TROAP: variants seen among roughly 807,000 people sequenced by gnomAD.
TROAP encodes trophinin associated protein.
A neutral mutation model predicts 83.4 loss-of-function variants in TROAP; 62 were observed. That is an observed-to-expected ratio of 0.74 (90% CI 0.61 to 0.92). The LOEUF is 0.92. Ranked by LOEUF, TROAP falls within the 40% of genes least tolerant of loss-of-function variation. The probability of loss-of-function intolerance (pLI) is 0.00; values close to 1 mark genes in which losing one functional copy is unlikely to be tolerated. For missense variants in TROAP, 876 were observed against 985.1 expected, an observed-to-expected ratio of 0.89 and a Z score of 1.48; for synonymous variants, 352 against 386.4, an observed-to-expected ratio of 0.91 and a Z score of 1.04.
intron 6 of TROAP, 113 bp downstream of exon 6, chr12:49,326,271 C>A: frequency 9.5e-7 from 1 of 1,047,932 alleles, no homozygotes; most frequent in Admixed American, 1.9e-5. Context: ...TCCCCACCAA[C>A]TCAGGAGGGG....
chr12:49,329,026 C>T lies in TROAP; in HGVS notation c.991C>T (p.Arg331Cys), dbSNP rs778715800. 5.0e-5 allele frequency: 81 copies of T among 1,611,326 alleles called. No individual in the cohort carries two copies. Among genetic ancestry groups the T allele is most frequent in the Admixed American group, 2.7e-4 (16 of 59,844 alleles). The change falls in exon 9 of 15, where the codon CGT (arginine) becomes TGT (cysteine). Residue 331 changes from arginine to cysteine, a missense_variant. Arg to Cys is a radical substitution (Grantham distance 180, BLOSUM62 -3). Transcript: ENST00000257909. This position sits in a 1 kb window ranked among gnomAD's most constrained non-coding sequence, Gnocchi z 4.5. ...PCPSPFGRAQ[R>C]VPSPGPPTLT... ...TCCATCACCCTTTGGACGGGCTCAG[C>T]GTGTACCCTCCCCAGGCCCTCCAAC...
At position 49,325,718 on chromosome 12, in the gene TROAP, A is replaced by G. The variant is rs746627847; in HGVS notation, c.496-29A>G. On this transcript the variant is annotated intron_variant, in intron 4 of 14. Coordinates refer to ENST00000257909, the MANE Select transcript of TROAP (RefSeq NM_005480.4). ...GGGCACTGAGGGGGGCATCCTGAGC[A>G]GTGCTGACAGCCTCTGTTGGTGTCC... The G allele has an allele frequency of 1.9e-6, 3 of 1,613,048 alleles. No individual in the cohort carries two copies. In the South Asian group the frequency reaches 3.3e-5, roughly 18 times the overall value.
rs1943559312 is a variant in TROAP, at chr12:49,330,315, C to T, written c.1470C>T (p.His490=). 2 of 1,614,038 alleles carry T rather than the reference C, an allele frequency of 1.2e-6. No homozygotes were observed. The highest frequency in any genetic ancestry group is 1.7e-5 in the Admixed American group (1 of 60,004). ...CAGAGCATAACTCTGGGACTTCCCACCTTCCTGGACTGTTAAAACACTCAG... is the reference window on the plus strand; with the variant it reads ...CAGAGCATAACTCTGGGACTTCCCATCTTCCTGGACTGTTAAAACACTCAG... ...NATEHNSGTS[H]LPGLLKHSGL... Residue 490 remains histidine (H), a synonymous_variant, in exon 13 of 15, where the codon CAC becomes CAT. Coordinates refer to ENST00000257909, the MANE Select transcript of TROAP (RefSeq NM_005480.4).
rs752099536 is a variant in TROAP, at chr12:49,331,426, G to C, written c.2292+19G>C. The C allele has an allele frequency of 2.5e-6, 4 of 1,610,072 alleles. No homozygotes were observed. The East Asian group carries it at 8.9e-5, about 36-fold the overall frequency. ...TGCCCTGGTGAGACTCCAACCCACA[G>C]CCCAGCTGTGGCTGCACAGTGAGCC... is the stretch of plus-strand genomic sequence containing the variant. On this transcript the variant is annotated intron_variant, in intron 14 of 14. Coordinates refer to ENST00000257909, the MANE Select transcript of TROAP (RefSeq NM_005480.4).
At position 49,331,620 on chromosome 12, in the gene TROAP, A is replaced by T. The variant is rs373891354; in HGVS notation, c.*3A>T. On this transcript the variant is annotated 3_prime_UTR_variant, in exon 15 of 15. Transcript: ENST00000257909. ...CTGCCCCCCAGGGCTCTCCATGATG[A>T]GACAACCACTCCTGCCCTGCCGTAC... is the stretch of plus-strand genomic sequence containing the variant. The T allele has an allele frequency of 7.9e-5, 127 of 1,613,750 alleles. No homozygotes were observed. Among genetic ancestry groups the T allele is most frequent in the Non-Finnish European group, 1.0e-4 (118 of 1,179,932 alleles).
chr12:49,330,002 G>A lies in TROAP; in HGVS notation c.1299+11G>A. ...GAGGTGAAGATTCAAGTGAGTCTGTGTGGCCAACAGCTTTGATGTCTATTG... is the reference window on the plus strand; with the variant it reads ...GAGGTGAAGATTCAAGTGAGTCTGTATGGCCAACAGCTTTGATGTCTATTG... On this transcript the variant is annotated intron_variant, in intron 12 of 14. Coordinates refer to ENST00000257909, the MANE Select transcript of TROAP (RefSeq NM_005480.4). 1 of 1,613,830 alleles carries A rather than the reference G, an allele frequency of 6.2e-7. No individual in the cohort carries two copies. Among genetic ancestry groups the A allele is most frequent in the Non-Finnish European group, 8.5e-7 (1 of 1,179,846 alleles).
At chr12:49,326,866 CCTT>C in intron 7 of TROAP, 146 bp downstream of exon 7, 2 of 893,810 alleles carry the variant, frequency 2.2e-6, no homozygotes. Flanking sequence ...GGAGAAGAGA[CCTT>C]CTAGATAGGC....
rs200165537 is a variant in TROAP, at chr12:49,330,655, C to G, written c.1810C>G (p.Arg604Gly). The G allele has an allele frequency of 6.2e-6, 10 of 1,614,042 alleles. No homozygotes were observed. Among genetic ancestry groups the G allele is most frequent in the Middle Eastern group, 3.3e-4 (2 of 6,060 alleles). The change falls in exon 13 of 15, where the codon CGC becomes GGC. Residue 604 changes from arginine (R) to glycine (G), a missense_variant. Arg to Gly is a moderately radical substitution (Grantham distance 125). This residue lies in a region of TROAP where 184 missense variants were observed against 238.3 expected (regional missense o/e 0.77). Coordinates refer to ENST00000257909, the MANE Select transcript of TROAP (RefSeq NM_005480.4). ...TGAGCCTGAGATACCGGAGTCCTCTCGCCAGGAACAGCTTGAGGTACCTGA... is the reference window on the plus strand; with the variant it reads ...TGAGCCTGAGATACCGGAGTCCTCTGGCCAGGAACAGCTTGAGGTACCTGA... ...RIEPEIPESS[R>G]QEQLEVPEPC...
At chr12:49,328,901 C>T in intron 8 of TROAP, 26 bp from the exon 9 acceptor site, 1 of 1,518,800 alleles carries the variant, frequency 6.6e-7, no homozygotes, top group Non-Finnish European at 8.8e-7. Context: ...GCGGGGATCA[C>T]TCTTCCACCT....
In TROAP at chr12:49,329,377, A is replaced by T; in HGVS notation, c.1105-18A>T. ...TCTGTGGGTGTCAGCCCTTGCTGAC[A>T]TCTCACTTCTGTGCCAGGCCCAGTG... On this transcript the variant is annotated intron_variant, in intron 10 of 14. Transcript: ENST00000257909. This position sits in a 1 kb window ranked among gnomAD's most constrained non-coding sequence, Gnocchi z 4.5. 6.2e-7 allele frequency: 1 copy of T among 1,613,198 alleles called. No individual in the cohort carries two copies. Among genetic ancestry groups the T allele is most frequent in the Non-Finnish European group, 8.5e-7 (1 of 1,179,456 alleles).
chr12:49,326,141 G>A lies in TROAP; in HGVS notation c.699G>A (p.Glu233=). 6.2e-7 allele frequency: 1 copy of A among 1,614,032 alleles called. No homozygotes were observed. The highest frequency in any genetic ancestry group is 8.5e-7 in the Non-Finnish European group (1 of 1,180,018). The change falls in exon 6 of 15, where the codon GAG becomes GAA. Residue 233 remains glutamate, a synonymous_variant. Coordinates refer to ENST00000257909, the MANE Select transcript of TROAP (RefSeq NM_005480.4). The part of the protein sequence containing the change: ...TRPSFQELRR[E]TAGSSRTSVS... ...CCAGTTTCCAGGAGCTAAGAAGGGA[G>A]ACAGCTGGCAGCAGCCGGTGAGAAA... is the stretch of plus-strand genomic sequence containing the variant.
At position 49,323,657 on chromosome 12, in the gene TROAP, C is replaced by G; in HGVS notation, c.49C>G (p.Pro17Ala). ...TKDPLLRGVS[P>A]TPSKIPVRSQ... The stretch of plus-strand genomic sequence containing the variant: ...GGATCCCCTCCTCCGGGGTGTATCT[C>G]CTACCCCTAGCAAGATTCCGGTACG... The change falls in exon 2 of 15, where the codon CCT becomes GCT. Residue 17 changes from proline to alanine, a missense_variant. Coordinates refer to ENST00000257909, the MANE Select transcript of TROAP (RefSeq NM_005480.4). The G allele has an allele frequency of 6.2e-7, 1 of 1,614,128 alleles. No homozygotes were observed. Among genetic ancestry groups the G allele is most frequent in the Non-Finnish European group, 8.5e-7 (1 of 1,180,028 alleles).
chr12:49,330,438 T>C lies in TROAP; in HGVS notation c.1593T>C (p.Pro531=). 6.2e-7 allele frequency: 1 copy of C among 1,613,916 alleles called. No homozygotes were observed. The highest frequency in any genetic ancestry group is 8.5e-7 in the Non-Finnish European group (1 of 1,179,866). ...CAGAGGCCTTCTGTAGGAGTGAGCC[T>C]GAGATACCAGAGCCCTCCCTCCAGG... ...GPPEAFCRSE[P]EIPEPSLQEQ... The change falls in exon 13 of 15, where the codon CCT becomes CCC. Residue 531 remains proline, a synonymous_variant. Transcript: ENST00000257909.
chr12:49,329,782 A>G lies in TROAP; in HGVS notation c.1165-75A>G. The G allele has an allele frequency of 1.3e-6, 2 of 1,568,668 alleles. No individual in the cohort carries two copies. Among genetic ancestry groups the G allele is most frequent in the Non-Finnish European group, 8.6e-7 (1 of 1,156,686 alleles). On this transcript the variant is annotated intron_variant, in intron 11 of 14. Coordinates refer to ENST00000257909, the MANE Select transcript of TROAP (RefSeq NM_005480.4). The surrounding 1 kb of genome is among the most constrained non-coding windows in gnomAD (Gnocchi z 4.5). ...AGTTAGGGGCTTCAATCCATTCCTCATGAGGGTGGGACTCAGGCTGGTCTT... is the reference window on the plus strand; with the variant it reads ...AGTTAGGGGCTTCAATCCATTCCTCGTGAGGGTGGGACTCAGGCTGGTCTT...
intron 1 of TROAP, 50 bp from the exon 2 acceptor site, chr12:49,323,554 T>G: frequency 6.3e-7 from 1 of 1,592,998 alleles, no homozygotes; most frequent in Non-Finnish European, 8.6e-7. Flanking sequence ...GAGAACTGGT[T>G]GATCTTTGAT....
chr12:49,326,142 A>T lies in TROAP; in HGVS notation c.700A>T (p.Thr234Ser). ...RPSFQELRRE[T>S]AGSSRTSVSQ... The stretch of plus-strand genomic sequence containing the variant: ...CAGTTTCCAGGAGCTAAGAAGGGAG[A>T]CAGCTGGCAGCAGCCGGTGAGAAAG... Residue 234 changes from threonine (T) to serine (S), a missense_variant, in exon 6 of 15, where the codon ACA becomes TCA. Transcript: ENST00000257909. 1 of 1,613,896 alleles carries T rather than the reference A, an allele frequency of 6.2e-7. No individual in the cohort carries two copies. The highest frequency in any genetic ancestry group is 8.5e-7 in the Non-Finnish European group (1 of 1,179,996).
At position 49,323,681 on chromosome 12, in the gene TROAP, C is replaced by G. The variant is rs879705699; in HGVS notation, c.73C>G (p.Arg25Gly). 2 of 1,614,034 alleles carry G rather than the reference C, an allele frequency of 1.2e-6. No homozygotes were observed. The highest frequency in any genetic ancestry group is 2.2e-5 in the East Asian group (1 of 44,902). ...TCCTACCCCTAGCAAGATTCCGGTACGCTCTCAGAAACGCACGCCTTTCCC... is the reference window on the plus strand; with the variant it reads ...TCCTACCCCTAGCAAGATTCCGGTAGGCTCTCAGAAACGCACGCCTTTCCC... ...VSPTPSKIPVRSQKRTPFPTV... is the reference protein window; with the variant it reads ...VSPTPSKIPVGSQKRTPFPTV... Residue 25 changes from arginine to glycine, a missense_variant, in exon 2 of 15, where the codon CGC becomes GGC. Around this residue, in one of 3 missense-constraint regions of TROAP, gnomAD observed 689 missense variants for 722.6 expected, o/e 0.95. Transcript: ENST00000257909.
chr12:49,328,980 G>T lies in TROAP; in HGVS notation c.945G>T (p.Leu315Phe), dbSNP rs141195405. The T allele has an allele frequency of 1.3e-4, 203 of 1,608,792 alleles. 4 individuals are homozygous for T. The South Asian group carries it at 1.9e-3, about 15-fold the overall frequency. The change falls in exon 9 of 15, where the codon TTG becomes TTT. Residue 315 changes from leucine (L) to phenylalanine (F), a missense_variant. Leu to Phe is a conservative substitution (Grantham distance 22). Around this residue, in one of 3 missense-constraint regions of TROAP, gnomAD observed 689 missense variants for 722.6 expected, o/e 0.95. Transcript: ENST00000257909. ...CCCCTGCCCCTGTGGCCCAGCCCTTGCCTGGCCATGTGGTGCCATGTCCAT... is the reference window on the plus strand; with the variant it reads ...CCCCTGCCCCTGTGGCCCAGCCCTTTCCTGGCCATGTGGTGCCATGTCCAT... ...MPSPAPVAQPLPGHVVPCPSP... is the reference protein window; with the variant it reads ...MPSPAPVAQPFPGHVVPCPSP...
chr12:49,325,592 C>A lies in TROAP; in HGVS notation c.429C>A (p.Arg143=). The part of the protein sequence containing the change: ...GEGVKSCHLG[R]QPSLAKRVLV... ...GTGTGAAGAGCTGTCACCTGGGGCGCCAGCCTAGTCTGGCTAAAAGAGTAC... is the reference window on the plus strand; with the variant it reads ...GTGTGAAGAGCTGTCACCTGGGGCGACAGCCTAGTCTGGCTAAAAGAGTAC... Residue 143 remains arginine (R), a synonymous_variant, in exon 4 of 15, where the codon CGC becomes CGA. Coordinates refer to ENST00000257909, the MANE Select transcript of TROAP (RefSeq NM_005480.4). 2 of 1,613,978 alleles carry A rather than the reference C, an allele frequency of 1.2e-6. No individual in the cohort carries two copies. The highest frequency in any genetic ancestry group is 1.7e-6 in the Non-Finnish European group (2 of 1,180,012).
Sources: allele counts gnomAD v4.1 joint callset, GRCh38; gene constraint gnomAD v4.1.1; regional missense constraint gnomAD v4.1.1; non-coding constraint Gnocchi (gnomAD v3.1); transcripts MANE v1.5; gene names NCBI Gene and HGNC (gene_info 2026-07-23, HGNC 2026-07-21).